The following OR3A2 variants were observed in gnomAD, a reference collection of about 807,000 sequenced individuals.
OR3A2 encodes olfactory receptor 3A2.
For missense variants in OR3A2, 318 were observed against 392.8 expected, an observed-to-expected ratio of 0.81 and a Z score of 1.61; for synonymous variants, 126 against 159.3, an observed-to-expected ratio of 0.79 and a Z score of 1.57.
At chr17:3,353,230 T>C (rs1205014698) in intron 2 of OR3A2, among the ~76,000 whole-genome samples, 3 of 151,780 alleles carry the variant, frequency 2.0e-5, no homozygotes, top group East Asian at 1.9e-4. Flanking sequence ...TAGAGAATGC[T>C]TTCCCTGAAT....
chr17:3,350,685 A>T (rs78018410), intron 2 of OR3A2, among the ~76,000 whole-genome samples: 98,246 of 144,948 alleles, frequency 0.68, 34,504 homozygotes, highest in East Asian at 0.99. Context: ...TCATTTTATG[A>T]GGCCAGCATC....
intron 2 of OR3A2, among the ~76,000 whole-genome samples, chr17:3,340,712 A>G (rs966037184): frequency 3.3e-5 from 5 of 149,672 alleles, no homozygotes; most frequent in African/African-American, 1.2e-4. Flanking sequence ...AATAAGTGCA[A>G]TGTGGTGCTG....
rs9898302 is a variant in OR3A2, at chr17:3,325,273, A to C, written c.-85+10760T>G. Among the ~76,000 whole-genome samples the C allele has an allele frequency of 1.7e-3, 243 of 142,304 alleles. 2 individuals are homozygous for C. Among genetic ancestry groups the C allele is most frequent in the African/African-American group, 6.0e-3 (222 of 37,288 alleles). 93.4% of individuals were successfully genotyped at this position (142,304 alleles called of 152,430 possible). The stretch of plus-strand genomic sequence containing the variant: ...GCCCAGACTGGGAGTGCAGTGGTGC[A>C]ATCTCAACTCACTGCAACCTCCACC... On this transcript the variant is annotated intron_variant, in intron 3 of 4. Transcript: ENST00000573491.
exon 2 of OR3A2, chr17:3,278,413 G>A (rs952187458): frequency 2.5e-6 from 4 of 1,614,094 alleles, no homozygotes; most frequent in Admixed American, 3.3e-5. Context: ...CAGAAGTTGA[G>A]CGTGGACATG....
At chr17:3,354,544 G>A (rs1239378152) in intron 2 of OR3A2, among the ~76,000 whole-genome samples, 1 of 151,118 alleles carries the variant, frequency 6.6e-6, no homozygotes, top group South Asian at 2.1e-4. Context: ...GAATTTATTG[G>A]CATATGGTTG....
intron 2 of OR3A2, among the ~76,000 whole-genome samples, chr17:3,372,590 G>A (rs1455832563): frequency 1.3e-5 from 2 of 152,168 alleles, no homozygotes; most frequent in Non-Finnish European, 2.9e-5. Flanking sequence ...GGGAGGCCGA[G>A]GCTGGCGGAT....
At chr17:3,361,025 C>T (rs1163144548) in intron 2 of OR3A2, among the ~76,000 whole-genome samples, 1 of 151,352 alleles carries the variant, frequency 6.6e-6, no homozygotes, top group African/African-American at 2.5e-5. Flanking sequence ...GCCATTTTCA[C>T]GATATTGATT....
chr17:3,372,847 A>AGAG (rs2049643258), intron 2 of OR3A2, among the ~76,000 whole-genome samples: 2 of 65,128 alleles, frequency 3.1e-5, no homozygotes, highest in African/African-American at 1.1e-4. Context: ...GAGAAGGAGA[A>AGAG]GGAGAGGGAG....
chr17:3,291,286 T>TG, intron 3 of OR3A2: 1 of 206,790 alleles, frequency 4.8e-6, no homozygotes, highest in Non-Finnish European at 9.7e-6. Flanking sequence ...GGGAGTTTTC[T>TG]GGGGTACTTC....
At position 3,278,350 on chromosome 17, in the gene OR3A2, G is replaced by C. The variant is rs61734039; in HGVS notation, c.568C>G (p.Leu190Val). The change falls in exon 2 of 2, where the codon CTC becomes GTC. Residue 190 changes from leucine to valine, a missense_variant. Transcript: ENST00000642052. ...TTGAGTTGGGTGCTGGAGCAGGAGA[G>C]CTGGAAGAGCTGTGGGAGGTCACAG... is the stretch of plus-strand genomic sequence containing the variant. 5,598 of 1,614,204 alleles carry C rather than the reference G, an allele frequency of 3.5e-3. 165 individuals carry two copies. The African/African-American group carries it at 0.064, about 18-fold the overall frequency.
chr17:3,342,115 C>G (rs1200229721), intron 2 of OR3A2, among the ~76,000 whole-genome samples: 1 of 152,150 alleles, frequency 6.6e-6, no homozygotes, highest in East Asian at 1.9e-4. Context: ...TCAGCTCCAT[C>G]AGGTCATTTA....
chr17:3,371,599 T>A (rs1228135501), intron 2 of OR3A2, among the ~76,000 whole-genome samples: 3 of 93,514 alleles, frequency 3.2e-5, no homozygotes, highest in Non-Finnish European at 4.3e-5. Flanking sequence ...CCGGACGGGG[T>A]GGCTGGCCGG....
chr17:3,339,841 G>A (rs1321703122), intron 2 of OR3A2, among the ~76,000 whole-genome samples: 1 of 152,178 alleles, frequency 6.6e-6, no homozygotes, highest in African/African-American at 2.4e-5. Context: ...AGTTTCAGAA[G>A]GAATGGTACC....
Position 3,302,434 on chromosome 17 carries a change from A to C in OR3A2, c.-84-23281T>G, listed in dbSNP as rs142639946. On this transcript the variant is annotated intron_variant, in intron 3 of 4. Coordinates refer to the OR3A2 transcript ENST00000573491. ...GAACAGAACACAGCCCTCAGAAATA[A>C]TACCACACATCTACAACCATCTGAT... Among the ~76,000 whole-genome samples the C allele has an allele frequency of 3.4e-4, 52 of 152,304 alleles. No individual in the cohort carries two copies. The East Asian group carries it at 9.8e-3, about 29-fold the overall frequency.
chr17:3,316,379 C>T (rs1031224625), intron 3 of OR3A2, among the ~76,000 whole-genome samples: 9 of 152,166 alleles, frequency 5.9e-5, no homozygotes, highest in Non-Finnish European at 1.2e-4. Flanking sequence ...TCATTTTACA[C>T]ACCATGGGCA....
chr17:3,358,881 T>C (rs2049485358), intron 2 of OR3A2, among the ~76,000 whole-genome samples: 1 of 151,680 alleles, frequency 6.6e-6, no homozygotes, highest in South Asian at 2.1e-4. Context: ...CAGTGGAGTG[T>C]TGAAGAGTCC....
At chr17:3,385,595 T>C (rs2049770795) in intron 1 of OR3A2, among the ~76,000 whole-genome samples, 1 of 152,130 alleles carries the variant, frequency 6.6e-6, no homozygotes, top group African/African-American at 2.4e-5. Context: ...CACTAATATT[T>C]TCCTCATTAA....
intron 3 of OR3A2, among the ~76,000 whole-genome samples, chr17:3,317,757 T>C (rs2049089991): frequency 6.6e-6 from 1 of 152,098 alleles, no homozygotes. Context: ...TTGAAGGAGT[T>C]ACCCTATTTC....
chr17:3,283,639 T>C (rs922336273), intron 1 of OR3A2, among the ~76,000 whole-genome samples: 3 of 152,204 alleles, frequency 2.0e-5, no homozygotes, highest in Non-Finnish European at 4.4e-5. Flanking sequence ...CATGGCTTAG[T>C]GTGCTTTAGG....
Sources: gnomAD v4.1 joint callset for allele counts (sites outside exome capture counted in the v4.1 genomes callset) on GRCh38, gnomAD v4.1.1 for gene constraint, MANE v1.5 for transcripts, NCBI Gene and HGNC (gene_info 2026-07-23, HGNC 2026-07-21) for gene names.